The following MAF variants were observed in gnomAD, a reference collection of about 807,000 sequenced individuals.
MAF encodes the protein transcription factor Maf.
A neutral mutation model predicts 22.0 loss-of-function variants in MAF; 10 were observed. The observed-to-expected ratio is 0.45, with a 90% CI of 0.28 to 0.77. The LOEUF (loss-of-function observed/expected upper bound fraction) is 0.77. Ranked by LOEUF, MAF falls within the 30% of genes least tolerant of loss-of-function variation. The pLI, the probability that MAF is intolerant of heterozygous loss-of-function variation, is 0.12. For synonymous variants in MAF, 337 were observed against 255.8 expected, an observed-to-expected ratio of 1.32 and a Z score of -3.03; for missense variants, 544 against 548.4, an observed-to-expected ratio of 0.99 and a Z score of 0.08.
the MAF span, among the ~76,000 whole-genome samples, chr16:79,225,481 C>A: frequency 6.6e-6 from 1 of 152,106 alleles, no homozygotes; most frequent in Non-Finnish European, 1.5e-5. Context: ...GACTTCATGA[C>A]TAAAACAGCC....
At chr16:79,374,227 A>G in the MAF span, among the ~76,000 whole-genome samples, 1 of 152,056 alleles carries the variant, frequency 6.6e-6, no homozygotes, top group Admixed American at 6.5e-5. Flanking sequence ...AATTATTATC[A>G]TATCTTTCCT....
At chr16:79,458,011 GAT>G in the MAF span, among the ~76,000 whole-genome samples, 5 of 151,508 alleles carry the variant, frequency 3.3e-5, no homozygotes, top group African/African-American at 1.2e-4. Flanking sequence ...GCTCATTAGA[GAT>G]ATTTTTTTTT....
At chr16:79,507,720 C>T in the MAF span, among the ~76,000 whole-genome samples, 17 of 152,206 alleles carry the variant, frequency 1.1e-4, no homozygotes, top group South Asian at 2.1e-4. Context: ...CCACCGCGCC[C>T]GGCCGCATCC....
the MAF span, among the ~76,000 whole-genome samples, chr16:79,445,899 T>C: frequency 6.6e-6 from 1 of 152,226 alleles, no homozygotes; most frequent in Non-Finnish European, 1.5e-5. Flanking sequence ...ACCATTCTTT[T>C]GAGCAGACCA....
At chr16:79,336,793 C>T in the MAF span, among the ~76,000 whole-genome samples, 1 of 152,156 alleles carries the variant, frequency 6.6e-6, no homozygotes, top group African/African-American at 2.4e-5. Flanking sequence ...GAGGATTTTT[C>T]TCTTTTTCAA....
chr16:79,573,075 T>C, the MAF span, among the ~76,000 whole-genome samples: 10 of 152,204 alleles, frequency 6.6e-5, no homozygotes, highest in Non-Finnish European at 1.2e-4. Context: ...GTATTTTTTT[T>C]CCCCAAAAAC....
At chr16:79,305,310 C>T in the MAF span, among the ~76,000 whole-genome samples, 12 of 152,310 alleles carry the variant, frequency 7.9e-5, no homozygotes, top group African/African-American at 2.4e-4. Flanking sequence ...ACTACCGACC[C>T]GCCTGTGCTC....
the MAF span, among the ~76,000 whole-genome samples, chr16:79,247,022 G>A: frequency 6.6e-6 from 1 of 152,200 alleles, no homozygotes; most frequent in African/African-American, 2.4e-5. Flanking sequence ...ATCAGCTAGT[G>A]GTAAGTGCTA....
the MAF span, among the ~76,000 whole-genome samples, chr16:79,209,529 C>G: frequency 1.3e-5 from 2 of 152,056 alleles, no homozygotes. Flanking sequence ...GGAGGCTGGA[C>G]TTGAAATGGG....
In MAF at chr16:79,596,959, G is replaced by GA. The variant is rs201589196; in HGVS notation, c.1118+1825dup. 2.5e-3 allele frequency: 2,557 copies of GA among 1,029,272 alleles called. 14 individuals are homozygous for GA. The highest frequency in any genetic ancestry group is 0.025 in the African/African-American group (1,455 of 59,108). The allele number at this position is 1,029,272 out of a possible 1,614,324, so 63.8% of individuals were successfully genotyped here. The stretch of plus-strand genomic sequence containing the variant: ...GTCCCAAATACTTTAATTTTGAAAA[G>GA]AAAAAAAAACATACATTTTTGAATG... On this transcript the variant is annotated intron_variant, in intron 1 of 1. Coordinates refer to ENST00000326043, the MANE Select transcript of MAF (RefSeq NM_005360.5).
the MAF span, among the ~76,000 whole-genome samples, chr16:79,545,624 A>G: frequency 1.3e-5 from 2 of 152,110 alleles, no homozygotes; most frequent in Non-Finnish European, 2.9e-5. Context: ...CCACAGAGGC[A>G]TCTTATTTTT....
chr16:79,411,376 C>G, the MAF span, among the ~76,000 whole-genome samples: 1 of 152,190 alleles, frequency 6.6e-6, no homozygotes, highest in Non-Finnish European at 1.5e-5. Flanking sequence ...ATTATGAACA[C>G]TTGAGTTATC....
the MAF span, among the ~76,000 whole-genome samples, chr16:79,391,640 G>A: frequency 3.3e-5 from 5 of 152,252 alleles, no homozygotes; most frequent in African/African-American, 9.6e-5. Context: ...AGGTCCCCCC[G>A]GGGTCGGCTT....
chr16:79,286,744 C>A, the MAF span, among the ~76,000 whole-genome samples: 1 of 152,176 alleles, frequency 6.6e-6, no homozygotes. Flanking sequence ...AGGCAAATGC[C>A]CACACGTCCA....
chr16:79,209,578 G>A, the MAF span, among the ~76,000 whole-genome samples: 20 of 152,302 alleles, frequency 1.3e-4, no homozygotes, highest in Admixed American at 1.1e-3. Flanking sequence ...TTAATGGCAA[G>A]TCACTTGGCC....
At chr16:79,272,932 G>A in the MAF span, among the ~76,000 whole-genome samples, 5 of 152,238 alleles carry the variant, frequency 3.3e-5, no homozygotes, top group South Asian at 1.0e-3. Flanking sequence ...ACTTAGAAGA[G>A]TTTATTTTGC....
the MAF span, among the ~76,000 whole-genome samples, chr16:79,374,929 G>C: frequency 0.14 from 21,964 of 152,160 alleles, 3,524 homozygotes; most frequent in African/African-American, 0.39. Flanking sequence ...AAAGGGCTGA[G>C]TTAGTTTTCA....
chr16:79,460,638 A>G, the MAF span, among the ~76,000 whole-genome samples: 1 of 152,208 alleles, frequency 6.6e-6, no homozygotes, highest in Non-Finnish European at 1.5e-5. Context: ...CTTTTCATTT[A>G]AAAATCATTT....
At chr16:79,467,158 C>T in the MAF span, among the ~76,000 whole-genome samples, 1 of 152,128 alleles carries the variant, frequency 6.6e-6, no homozygotes, top group Non-Finnish European at 1.5e-5. Flanking sequence ...CTCCAAGGGT[C>T]CCTCCCAAAT....
Sources: gnomAD v4.1 joint callset for allele counts (sites outside exome capture counted in the v4.1 genomes callset) on GRCh38, gnomAD v4.1.1 for gene constraint, MANE v1.5 for transcripts, NCBI Gene and HGNC (gene_info 2026-07-23, HGNC 2026-07-21) for gene names.